EGFLAM: variants seen among roughly 807,000 people sequenced by gnomAD.
The protein encoded by EGFLAM is pikachurin.
Under a neutral mutation model 113.1 loss-of-function variants are expected in EGFLAM, and 79 were observed. That is an observed-to-expected ratio of 0.70 (90% CI 0.58 to 0.84). EGFLAM has a LOEUF of 0.84. Ranked by LOEUF, EGFLAM falls within the 40% of genes least tolerant of loss-of-function variation. EGFLAM has a pLI of 0.00. For missense variants in EGFLAM, 1,265 were observed against 1,291.6 expected (o/e 0.98, Z 0.32); for synonymous variants, 504 against 487.6 (o/e 1.03, Z -0.44).
intron 1 of EGFLAM, chr5:38,305,513 A>G (rs1289642693): frequency 1.5e-5 from 7 of 452,576 alleles, no homozygotes; most frequent in African/African-American, 2.0e-5. Context: ...AGAAGATCCA[A>G]TCCAGGAGAG....
chr5:38,382,494 T>G (rs965273439), intron 6 of EGFLAM, among the ~76,000 whole-genome samples: 1 of 152,230 alleles, frequency 6.6e-6, no homozygotes, highest in African/African-American at 2.4e-5. Context: ...TTCTGGTATC[T>G]TTTTGAAGCA....
rs767335159 is a variant in EGFLAM, at chr5:38,463,026, C to G, written c.2875+15C>G. On this transcript the variant is annotated intron_variant, in intron 21 of 21. Transcript: ENST00000322350. ...TCTGTATGTGGGTAAGTGACCGACCCTCGACCAAAGCAAAATTAGGCCAGT... is the reference window on the plus strand; with the variant it reads ...TCTGTATGTGGGTAAGTGACCGACCGTCGACCAAAGCAAAATTAGGCCAGT... The G allele has an allele frequency of 6.2e-7, 1 of 1,606,952 alleles. No individual in the cohort carries two copies. The highest frequency in any genetic ancestry group is 2.2e-5 in the East Asian group (1 of 44,676).
intron 20 of EGFLAM, 112 bp from the exon 21 acceptor site, chr5:38,462,796 G>A: frequency 8.3e-7 from 1 of 1,208,278 alleles, no homozygotes; most frequent in South Asian, 1.3e-5. Context: ...ATTTAGCACA[G>A]TACCTGGCAC....
Position 38,350,540 on chromosome 5 carries a change from C to T in EGFLAM, c.331C>T (p.Arg111Cys), listed in dbSNP as rs761096359. ...AGATTTGAAACCAGGCACTGAATATCGTGTGAGCATAGCAGCTTACAGCCA... is the reference window on the plus strand; with the variant it reads ...AGATTTGAAACCAGGCACTGAATATTGTGTGAGCATAGCAGCTTACAGCCA... Reference protein sequence around the residue: ...IGDLKPGTEYRVSIAAYSQAG... With the variant: ...IGDLKPGTEYCVSIAAYSQAG... Residue 111 changes from arginine to cysteine, a missense_variant, in exon 4 of 22, where the codon CGT becomes TGT. Physicochemically the swap from Arg to Cys is radical, Grantham distance 180. Transcript: ENST00000322350. The T allele has an allele frequency of 2.7e-5, 43 of 1,613,828 alleles. No homozygotes were observed. The highest frequency in any genetic ancestry group is 6.7e-5 in the Admixed American group (4 of 59,974).
intron 1 of EGFLAM, among the ~76,000 whole-genome samples, chr5:38,280,267 G>A (rs1010568056): frequency 1.3e-5 from 2 of 152,162 alleles, no homozygotes; most frequent in African/African-American, 4.8e-5. Context: ...GTGAGTTTCC[G>A]GCATGTTCTG....
At chr5:38,416,681 T>A (rs1258840980) in intron 11 of EGFLAM, among the ~76,000 whole-genome samples, 2 of 152,076 alleles carry the variant, frequency 1.3e-5, no homozygotes, top group Non-Finnish European at 2.9e-5. Flanking sequence ...TCCCAGATCA[T>A]GGAACAAAAC....
chr5:38,338,754 G>A lies in EGFLAM; in HGVS notation c.264G>A (p.Val88=). The A allele has an allele frequency of 6.2e-7, 1 of 1,614,246 alleles. No homozygotes were observed. Among genetic ancestry groups the A allele is most frequent in the Non-Finnish European group, 8.5e-7 (1 of 1,180,040 alleles). Residue 88 remains valine (V), a synonymous_variant, in exon 3 of 22, where the codon GTG becomes GTA. Transcript: ENST00000322350. ...CCCTGCAGGAGCAGTTGCACAGCGT[G>A]CCTCTCAGCCGGGACATCCCGACCA... ...DKSLQEQLHS[V]PLSRDIPTTE...
intron 5 of EGFLAM, among the ~76,000 whole-genome samples, chr5:38,367,619 T>C (rs1740096781): frequency 6.6e-6 from 1 of 152,188 alleles, no homozygotes; most frequent in Non-Finnish European, 1.5e-5. Flanking sequence ...TCTGGCCTTT[T>C]CATTGTTGAA....
Position 38,363,568 on chromosome 5 carries a change from GT to G in EGFLAM, c.546-6726del, listed in dbSNP as rs1739983403. Among the ~76,000 whole-genome samples, 4 of 152,100 alleles carry G rather than the reference GT, an allele frequency of 2.6e-5. No homozygotes were observed. In the South Asian group the frequency reaches 8.3e-4, roughly 32 times the overall value. ...TGGTTGCACATATCTCAAAATACCAGTTATGTTTATCACTACTTTGAAATTA... is the reference window on the plus strand; with the variant it reads ...TGGTTGCACATATCTCAAAATACCAGTATGTTTATCACTACTTTGAAATTA... On this transcript the variant is annotated intron_variant, in intron 5 of 21. Transcript: ENST00000322350.
intron 6 of EGFLAM, among the ~76,000 whole-genome samples, chr5:38,398,208 T>G (rs1332631036): frequency 1.3e-5 from 2 of 152,248 alleles, no homozygotes; most frequent in Non-Finnish European, 2.9e-5. Flanking sequence ...AGAACCTAGA[T>G]GAATGCTGCT....
intron 17 of EGFLAM, among the ~76,000 whole-genome samples, chr5:38,440,606 G>A (rs1204606455): frequency 6.6e-6 from 1 of 152,222 alleles, no homozygotes; most frequent in Admixed American, 6.5e-5. Context: ...ACCAAGAATG[G>A]TGAGAAGCCA....
intron 1 of EGFLAM, among the ~76,000 whole-genome samples, chr5:38,293,646 TTATAGGGTTATA>T (rs1758390028): frequency 6.6e-6 from 1 of 152,206 alleles, no homozygotes; most frequent in African/African-American, 2.4e-5. Context: ...GTTGCAGGTT[TTATAGGGTTATA>T]TATAGGGTTA....
In EGFLAM at chr5:38,370,406, T is replaced by G. The variant is rs200480570; in HGVS notation, c.656T>G (p.Met219Arg). 6.2e-7 allele frequency: 1 copy of G among 1,614,186 alleles called. No individual in the cohort carries two copies. The highest frequency in any genetic ancestry group is 2.2e-5 in the East Asian group (1 of 44,870). The change falls in exon 6 of 22, where the codon ATG becomes AGG. Residue 219 changes from methionine to arginine, a missense_variant. Transcript: ENST00000322350. The stretch of plus-strand genomic sequence containing the variant: ...AACTACCAGTTTGCCGTGAGGGCAA[T>G]GAATTCCCATGGCCCCAGCCCCCGC... Reference protein sequence around the residue: ...DTNYQFAVRAMNSHGPSPRSW... With the variant: ...DTNYQFAVRARNSHGPSPRSW...
intron 17 of EGFLAM, 55 bp downstream of exon 17, chr5:38,438,510 G>A: frequency 6.9e-7 from 1 of 1,457,374 alleles, no homozygotes. Flanking sequence ...GGAACGGACA[G>A]CCAATTGGGG....
intron 1 of EGFLAM, among the ~76,000 whole-genome samples, chr5:38,306,841 G>C (rs1284260811): frequency 6.6e-6 from 1 of 152,208 alleles, no homozygotes; most frequent in African/African-American, 2.4e-5. Context: ...AACAGTTTCT[G>C]CACATAGGAA....
intron 1 of EGFLAM, among the ~76,000 whole-genome samples, chr5:38,286,528 C>T (rs1253929967): frequency 6.6e-6 from 1 of 152,158 alleles, no homozygotes; most frequent in Non-Finnish European, 1.5e-5. Context: ...CCCAAATTAT[C>T]CAGCTCCTCA....
chr5:38,385,867 T>C (rs1740646325), intron 6 of EGFLAM, among the ~76,000 whole-genome samples: 2 of 152,234 alleles, frequency 1.3e-5, no homozygotes. Context: ...TTCCTTGTTG[T>C]GCGAACATCC....
intron 1 of EGFLAM, among the ~76,000 whole-genome samples, chr5:38,311,735 C>CT (rs1561273347): frequency 1.3e-5 from 2 of 152,026 alleles, no homozygotes; most frequent in African/African-American, 2.4e-5. Flanking sequence ...AAATCACAAA[C>CT]TTGAAGTGAA....
At chr5:38,322,097 C>T (rs954351414) in intron 1 of EGFLAM, among the ~76,000 whole-genome samples, 3 of 152,136 alleles carry the variant, frequency 2.0e-5, no homozygotes, top group African/African-American at 7.2e-5. Context: ...CAGGCCTCAC[C>T]CTGTCCCTCC....
Sources: gnomAD v4.1 joint callset for allele counts (sites outside exome capture counted in the v4.1 genomes callset) on GRCh38, gnomAD v4.1.1 for gene constraint, MANE v1.5 for transcripts, NCBI Gene and HGNC (gene_info 2026-07-23, HGNC 2026-07-21) for gene names.